CLCN3: variants seen among roughly 807,000 people sequenced by gnomAD.
The protein encoded by CLCN3 is H(+)/Cl(-) exchange transporter 3.
A neutral mutation model predicts 83.4 loss-of-function variants in CLCN3; 16 were observed. The ratio of observed to expected loss-of-function variants is 0.19; its 90% CI spans 0.13 to 0.29. CLCN3 has a LOEUF of 0.29. CLCN3 is among the 10% of genes least tolerant of loss of function. The probability of loss-of-function intolerance (pLI) is 1.00; values close to 1 mark genes in which losing one functional copy is unlikely to be tolerated. For synonymous variants in CLCN3, 322 were observed against 346.2 expected (o/e 0.93, Z 0.78); for missense variants, 544 against 1,006.0 (o/e 0.54, Z 6.21).
At chr4:169,651,793 A>T (rs1730738892) in intron 2 of CLCN3, among the ~76,000 whole-genome samples, 1 of 152,200 alleles carries the variant, frequency 6.6e-6, no homozygotes, top group Non-Finnish European at 1.5e-5. Context: ...GATTGATTAT[A>T]CATAAAATAA....
intron 6 of CLCN3, among the ~76,000 whole-genome samples, chr4:169,690,915 TTTAG>T (rs1236787878): frequency 6.6e-6 from 1 of 152,176 alleles, no homozygotes; most frequent in Non-Finnish European, 1.5e-5. Context: ...TTTCAGACTA[TTTAG>T]TTAAACATCA....
chr4:169,646,938 A>C (rs1410952530), intron 2 of CLCN3, among the ~76,000 whole-genome samples: 1 of 152,252 alleles, frequency 6.6e-6, no homozygotes, highest in African/African-American at 2.4e-5. Flanking sequence ...AGAAGAAATG[A>C]TGGAAGTGTT....
intron 7 of CLCN3, among the ~76,000 whole-genome samples, chr4:169,693,366 G>C (rs1732444277): frequency 6.6e-6 from 1 of 152,092 alleles, no homozygotes; most frequent in Non-Finnish European, 1.5e-5. Context: ...TACTTTCTGT[G>C]TATCTGGTAC....
At chr4:169,704,318 CA>C in intron 10 of CLCN3, 134 bp downstream of exon 10, 1 of 710,822 alleles carries the variant, frequency 1.4e-6, no homozygotes, top group East Asian at 2.7e-5. Context: ...GATGTTTTAA[CA>C]GATAAGAAAC....
intron 9 of CLCN3, among the ~76,000 whole-genome samples, chr4:169,703,476 A>G (rs1446617461): frequency 6.6e-6 from 1 of 152,272 alleles, no homozygotes; most frequent in African/African-American, 2.4e-5. Flanking sequence ...GACAGTGCTT[A>G]AAACTGAATC....
intron 2 of CLCN3, among the ~76,000 whole-genome samples, chr4:169,671,785 A>G (rs1003240550): frequency 1.3e-5 from 2 of 152,102 alleles, no homozygotes; most frequent in African/African-American, 4.8e-5. Context: ...AGAAAATAGC[A>G]TGGACTAAGG....
chr4:169,686,951 T>C (rs1732184577), intron 3 of CLCN3, among the ~76,000 whole-genome samples: 1 of 152,208 alleles, frequency 6.6e-6, no homozygotes, highest in Non-Finnish European at 1.5e-5. Flanking sequence ...CTCTGGACTC[T>C]ACCAATGGGA....
chr4:169,623,500 T>G (rs1164772274), intron 1 of CLCN3, among the ~76,000 whole-genome samples: 2 of 152,254 alleles, frequency 1.3e-5, no homozygotes, highest in East Asian at 3.8e-4. Context: ...TATCACCTAC[T>G]TGCCATTTGT....
At chr4:169,670,756 G>C in intron 2 of CLCN3, among the ~76,000 whole-genome samples, 1 of 152,170 alleles carries the variant, frequency 6.6e-6, no homozygotes, top group East Asian at 1.9e-4. Context: ...AGCATGGAAT[G>C]TTTTTCCATT....
chr4:169,620,654 G>T lies in CLCN3; in HGVS notation c.-426G>T. ...TTTCCCAGTGTTCTAGTTCGCCCGT[G>T]ACCCGGAATAATGAGCAAGGAGGGT... On this transcript the variant is annotated 5_prime_UTR_variant, in exon 1 of 13. Transcript: ENST00000513761. The T allele has an allele frequency of 5.0e-6, 2 of 397,982 alleles. No individual in the cohort carries two copies. The highest frequency in any genetic ancestry group is 2.8e-4 in the South Asian group (2 of 7,240). The allele number at this position is 397,982 out of a possible 1,614,324, so 24.7% of individuals were successfully genotyped here.
chr4:169,658,183 A>G (rs191139187), intron 2 of CLCN3, among the ~76,000 whole-genome samples: 88 of 152,086 alleles, frequency 5.8e-4, no homozygotes, highest in African/African-American at 1.7e-3. Context: ...AACAATTGCT[A>G]AGGGCTTGAT....
intron 6 of CLCN3, among the ~76,000 whole-genome samples, chr4:169,691,764 T>C (rs1351620670): frequency 6.6e-6 from 1 of 152,140 alleles, no homozygotes; most frequent in Admixed American, 6.5e-5. Context: ...ATTTAAAATA[T>C]TATGCTTATT....
intron 2 of CLCN3, chr4:169,663,452 C>T (rs35621562): frequency 0.022 from 5,744 of 256,682 alleles, 91 homozygotes; most frequent in South Asian, 0.031. Flanking sequence ...GTCTCACCCT[C>T]CTTGGTACCT....
In CLCN3 at chr4:169,707,289, A is replaced by G. The variant is rs954125743; in HGVS notation, c.2149+23A>G. The G allele has an allele frequency of 4.7e-6, 7 of 1,501,380 alleles. No homozygotes were observed. In the Admixed American group the frequency reaches 6.5e-5, roughly 14 times the overall value. 93.0% of individuals were successfully genotyped at this position (1,501,380 alleles called of 1,614,324 possible). A position where few individuals can be genotyped will look rare whatever the true frequency, so the allele number is the denominator to read the frequency against. On this transcript the variant is annotated intron_variant, in intron 11 of 12. Coordinates refer to ENST00000513761, the MANE Select transcript of CLCN3 (RefSeq NM_001829.4). Reference sequence around the variant, plus strand: ...TAGGTACCCTTTCAAAAATATATATATGTATATATGAGATGGATTTCTGGA... The same window carrying G: ...TAGGTACCCTTTCAAAAATATATATGTGTATATATGAGATGGATTTCTGGA...
chr4:169,634,768 TTTG>T, intron 1 of CLCN3, among the ~76,000 whole-genome samples: 1 of 152,170 alleles, frequency 6.6e-6, no homozygotes. Flanking sequence ...TAGTTTGACA[TTTG>T]TTGTTCTTAC....
intron 2 of CLCN3, among the ~76,000 whole-genome samples, chr4:169,648,098 C>T (rs764471115): frequency 6.6e-6 from 1 of 152,070 alleles, no homozygotes; most frequent in Non-Finnish European, 1.5e-5. Flanking sequence ...AAACTAAGAC[C>T]GAAGGAGTTC....
chr4:169,706,172 A>G (rs969176260), intron 10 of CLCN3, among the ~76,000 whole-genome samples: 2 of 151,976 alleles, frequency 1.3e-5, no homozygotes, highest in African/African-American at 4.8e-5. Context: ...GGGACCACAG[A>G]CATACACCAC....
At chr4:169,698,174 T>A (rs942982216) in intron 9 of CLCN3, among the ~76,000 whole-genome samples, 2 of 152,178 alleles carry the variant, frequency 1.3e-5, no homozygotes, top group Admixed American at 1.3e-4. Flanking sequence ...AGGCATGGAG[T>A]GCATAATAAT....
chr4:169,636,865 C>T (rs1356609078), intron 2 of CLCN3, among the ~76,000 whole-genome samples: 1 of 150,934 alleles, frequency 6.6e-6, no homozygotes, highest in Non-Finnish European at 1.5e-5. Flanking sequence ...ATGCTTAGAT[C>T]ATAGAATATG....
Sources: gnomAD v4.1 joint callset for allele counts (sites outside exome capture counted in the v4.1 genomes callset) on GRCh38, gnomAD v4.1.1 for gene constraint, MANE v1.5 for transcripts, NCBI Gene and HGNC (gene_info 2026-07-23, HGNC 2026-07-21) for gene names.